The following RARB variants were observed in gnomAD, a reference collection of about 807,000 sequenced individuals.
The protein encoded by RARB is HBV-activated protein.
RARB carries 17 observed loss-of-function variants against 51.9 expected under a neutral mutation model. The ratio of observed to expected loss-of-function variants is 0.33; its 90% CI spans 0.22 to 0.49. The LOEUF (loss-of-function observed/expected upper bound fraction) is 0.49, where lower values mean the gene tolerates loss of function less well. RARB is among the 20% of genes least tolerant of loss of function. RARB has a pLI of 0.99. For synonymous variants in RARB, 215 were observed against 195.4 expected, an observed-to-expected ratio of 1.10 and a Z score of -0.84; for missense variants, 369 against 550.8, an observed-to-expected ratio of 0.67 and a Z score of 3.30.
intron 1 of RARB, among the ~76,000 whole-genome samples, chr3:24,853,649 A>G (rs1363360026): frequency 1.3e-5 from 2 of 152,200 alleles, no homozygotes; most frequent in African/African-American, 4.8e-5. Context: ...GTAAAAAGAG[A>G]TTTGTAAGAT....
intron 3 of RARB, among the ~76,000 whole-genome samples, chr3:25,105,249 C>T (rs1699476870): frequency 6.6e-6 from 1 of 151,886 alleles, no homozygotes; most frequent in African/African-American, 2.4e-5. Context: ...GACTTTTTTC[C>T]TCCCCTACCT....
At chr3:25,152,994 A>G (rs1395226609) in intron 4 of RARB, among the ~76,000 whole-genome samples, 1 of 152,222 alleles carries the variant, frequency 6.6e-6, no homozygotes, top group Non-Finnish European at 1.5e-5. Context: ...GTTTGAAGGA[A>G]AAAAAGGAAC....
rs1026483344 is a variant in RARB, at chr3:25,057,135, C to T, written c.-379-2990C>T. Among the ~76,000 whole-genome samples the T allele has an allele frequency of 1.1e-4, 17 of 151,984 alleles. 1 individual carries two copies. The highest frequency in any genetic ancestry group is 6.6e-4 in the Admixed American group (10 of 15,240). On this transcript the variant is annotated intron_variant, in intron 2 of 11. Transcript: ENST00000383772. ...GCTTATGGGCTGAGCCTAAATAGTCCCACTGTTTTATTTAAAGAGTATAAG... is the reference window on the plus strand; with the variant it reads ...GCTTATGGGCTGAGCCTAAATAGTCTCACTGTTTTATTTAAAGAGTATAAG...
intron 5 of RARB, among the ~76,000 whole-genome samples, chr3:25,268,835 C>T (rs575915432): frequency 1.4e-4 from 21 of 152,292 alleles, no homozygotes; most frequent in African/African-American, 4.3e-4. Flanking sequence ...TCTTCTTCCC[C>T]ACTATGATTT....
At chr3:25,370,563 G>C (rs2125471560) in intron 5 of RARB, among the ~76,000 whole-genome samples, 1 of 152,260 alleles carries the variant, frequency 6.6e-6, no homozygotes, top group Non-Finnish European at 1.5e-5. Context: ...TTTTTGGAGA[G>C]CGTAACTAGT....
At chr3:25,500,363 G>A (rs1697233996) in intron 2 of RARB, among the ~76,000 whole-genome samples, 1 of 150,924 alleles carries the variant, frequency 6.6e-6, no homozygotes, top group African/African-American at 2.4e-5. Context: ...TAAATGTTGT[G>A]AGAGGAGCTA....
intron 5 of RARB, among the ~76,000 whole-genome samples, chr3:25,233,309 C>CTG (rs1702226727): frequency 6.6e-6 from 1 of 152,052 alleles, no homozygotes; most frequent in South Asian, 2.1e-4. Context: ...ATAGGTTTAT[C>CTG]AGAACATAAC....
At chr3:25,254,174 T>G (rs577650341) in intron 5 of RARB, among the ~76,000 whole-genome samples, 40 of 152,266 alleles carry the variant, frequency 2.6e-4, no homozygotes, top group African/African-American at 9.6e-4. Flanking sequence ...ATGTAATACA[T>G]CATGGAATAA....
intron 4 of RARB, among the ~76,000 whole-genome samples, chr3:25,573,274 C>G (rs556693374): frequency 6.6e-6 from 1 of 152,308 alleles, no homozygotes; most frequent in African/African-American, 2.4e-5. Flanking sequence ...GCCTCGGCTT[C>G]TGGCCTAAGA....
At chr3:25,544,497 G>A (rs1699527881) in intron 3 of RARB, among the ~76,000 whole-genome samples, 1 of 152,164 alleles carries the variant, frequency 6.6e-6, no homozygotes, top group African/African-American at 2.4e-5. Context: ...TTACTACCTG[G>A]AAGGTTACTT....
At chr3:25,266,346 C>A (rs888722426) in intron 5 of RARB, among the ~76,000 whole-genome samples, 5 of 152,074 alleles carry the variant, frequency 3.3e-5, no homozygotes, top group South Asian at 2.1e-4. Flanking sequence ...ATGCAGGCAT[C>A]CTTTCTAATG....
chr3:24,888,182 G>A (rs540513334), intron 2 of RARB, among the ~76,000 whole-genome samples: 2 of 152,276 alleles, frequency 1.3e-5, no homozygotes, highest in South Asian at 4.1e-4. Flanking sequence ...AAGATGGGCT[G>A]TTCTACATGG....
chr3:25,241,716 T>A (rs1056165458), intron 5 of RARB, among the ~76,000 whole-genome samples: 3 of 152,248 alleles, frequency 2.0e-5, no homozygotes, highest in African/African-American at 7.2e-5. Context: ...AGTCTAACAT[T>A]GATCGGCATT....
intron 1 of RARB, among the ~76,000 whole-genome samples, chr3:24,834,337 GT>G (rs201329155): frequency 6.6e-6 from 1 of 152,086 alleles, no homozygotes; most frequent in Non-Finnish European, 1.5e-5. Flanking sequence ...TGAATAGCCT[GT>G]TTTTTTCTCT....
intron 2 of RARB, among the ~76,000 whole-genome samples, chr3:25,014,084 C>T (rs773398846): frequency 2.0e-5 from 3 of 152,104 alleles, no homozygotes; most frequent in Non-Finnish European, 4.4e-5. Flanking sequence ...ACCTCCTTAT[C>T]AGCTCAAGCA....
intron 5 of RARB, among the ~76,000 whole-genome samples, chr3:25,216,161 G>A (rs1701827669): frequency 6.6e-6 from 1 of 152,130 alleles, no homozygotes; most frequent in Non-Finnish European, 1.5e-5. Flanking sequence ...CATGGAAGAG[G>A]CTAGATGTTA....
At chr3:25,562,876 G>A (rs1700329357) in intron 3 of RARB, among the ~76,000 whole-genome samples, 1 of 152,100 alleles carries the variant, frequency 6.6e-6, no homozygotes, top group Non-Finnish European at 1.5e-5. Flanking sequence ...AACCAGTGAG[G>A]GAAATATGAT....
chr3:25,325,169 C>T (rs1383194342), intron 5 of RARB, among the ~76,000 whole-genome samples: 1 of 152,130 alleles, frequency 6.6e-6, no homozygotes, highest in East Asian at 1.9e-4. Context: ...GGATCCCTTC[C>T]CCTTTTAAAC....
intron 4 of RARB, among the ~76,000 whole-genome samples, chr3:25,133,485 A>C (rs532674545): frequency 1.6e-4 from 24 of 152,018 alleles, no homozygotes; most frequent in Non-Finnish European, 2.9e-4. Flanking sequence ...TTAAAAGGGA[A>C]ACAAATATGC....
Sources: gnomAD v4.1 joint callset for allele counts (sites outside exome capture counted in the v4.1 genomes callset) on GRCh38, gnomAD v4.1.1 for gene constraint, MANE v1.5 for transcripts, NCBI Gene and HGNC (gene_info 2026-07-23, HGNC 2026-07-21) for gene names.